The following MGAT4C variants were observed in gnomAD, a reference collection of about 807,000 sequenced individuals.
MGAT4C encodes alpha-1,3-mannosyl-glycoprotein 4-beta-N-acetylglucosaminyltransferase C.
In MGAT4C, 19 loss-of-function variants were observed where a neutral mutation model predicts 40.1. The observed-to-expected ratio is 0.47, with a 90% CI of 0.33 to 0.70. The LOEUF is 0.70. MGAT4C is among the 30% of genes least tolerant of loss of function. The pLI, the probability that MGAT4C is intolerant of heterozygous loss-of-function variation, is 0.02. For missense variants in MGAT4C, 491 were observed against 563.2 expected (o/e 0.87, Z 1.30); for synonymous variants, 181 against 187.1 (o/e 0.97, Z 0.27).
At chr12:86,101,205 G>T (rs868654743) in intron 1 of MGAT4C, among the ~76,000 whole-genome samples, 8 of 151,656 alleles carry the variant, frequency 5.3e-5, no homozygotes, top group Non-Finnish European at 1.2e-4. Flanking sequence ...CTTAGATTTT[G>T]TTCAGTAAGA....
At chr12:86,085,265 T>C (rs953141410) in intron 1 of MGAT4C, among the ~76,000 whole-genome samples, 1 of 152,144 alleles carries the variant, frequency 6.6e-6, no homozygotes, top group African/African-American at 2.4e-5. Context: ...GTTTTAGTCA[T>C]GAAGTCCTTA....
intron 1 of MGAT4C, among the ~76,000 whole-genome samples, chr12:86,192,528 C>G (rs1889635276): frequency 6.6e-6 from 1 of 152,124 alleles, no homozygotes; most frequent in Non-Finnish European, 1.5e-5. Context: ...CATCACCCAC[C>G]TTGCTTGTAG....
intron 1 of MGAT4C, among the ~76,000 whole-genome samples, chr12:86,763,992 G>A (rs957789900): frequency 6.6e-6 from 1 of 152,148 alleles, no homozygotes; most frequent in African/African-American, 2.4e-5. Context: ...CATATCACTA[G>A]GGAGTGCCAG....
intron 1 of MGAT4C, among the ~76,000 whole-genome samples, chr12:86,737,528 A>T (rs1465804241): frequency 1.3e-5 from 2 of 151,190 alleles, no homozygotes; most frequent in African/African-American, 4.8e-5. Flanking sequence ...CCCCTAAGTG[A>T]TTTCATCCAG....
In MGAT4C at chr12:86,241,510, C is replaced by T. The variant is rs929872065; in HGVS notation, c.-57+14729G>A. ...TTGTTTCATAGCTTATAATTTGATA[C>T]CTCATTATTTTGTTTGATAGCTTGT... On this transcript the variant is annotated intron_variant, in intron 1 of 4. Transcript: ENST00000611864. Among the ~76,000 whole-genome samples, 3 of 151,876 alleles carry T rather than the reference C, an allele frequency of 2.0e-5. No homozygotes were observed. In the East Asian group the frequency reaches 5.8e-4, roughly 29 times the overall value.
intron 1 of MGAT4C, among the ~76,000 whole-genome samples, chr12:86,175,002 G>A (rs1887243318): frequency 6.6e-6 from 1 of 151,932 alleles, no homozygotes; most frequent in South Asian, 2.1e-4. Flanking sequence ...GAATTGCCAT[G>A]TATAGCATAA....
chr12:86,709,834 C>T (rs1253927903), intron 2 of MGAT4C, among the ~76,000 whole-genome samples: 1 of 152,042 alleles, frequency 6.6e-6, no homozygotes, highest in Non-Finnish European at 1.5e-5. Flanking sequence ...TTTAGATTTT[C>T]AGGGAAAAAA....
intron 1 of MGAT4C, among the ~76,000 whole-genome samples, chr12:86,187,536 C>T (rs1888895711): frequency 6.8e-6 from 1 of 147,864 alleles, no homozygotes; most frequent in Admixed American, 6.7e-5. Flanking sequence ...TTAGATTTGC[C>T]TTTTCTAGAA....
chr12:86,451,105 T>G (rs1230102634), intron 2 of MGAT4C, among the ~76,000 whole-genome samples: 1 of 152,126 alleles, frequency 6.6e-6, no homozygotes, highest in African/African-American at 2.4e-5. Flanking sequence ...TGGGGCCTAG[T>G]AGGAGGTGAT....
intron 2 of MGAT4C, among the ~76,000 whole-genome samples, chr12:86,486,366 G>T (rs1215284780): frequency 7.7e-6 from 1 of 130,696 alleles, no homozygotes; most frequent in Admixed American, 8.7e-5. Flanking sequence ...AACAGAGAAA[G>T]ATCTATCATG....
At chr12:86,755,620 C>T (rs1435824987) in intron 1 of MGAT4C, among the ~76,000 whole-genome samples, 2 of 141,448 alleles carry the variant, frequency 1.4e-5, no homozygotes, top group African/African-American at 5.2e-5. Context: ...CTTTCTTTCT[C>T]TCTCTCCTTC....
rs965965847 is a variant in MGAT4C at position 86,708,245 on chromosome 12, C to T, written c.-229+18964G>A. Reference sequence around the variant, plus strand: ...AGAGGCAAAAGTACAGCTTGGACCACGGCTTCAGAGAGTGCAAGCCTCAAG... The same window carrying T: ...AGAGGCAAAAGTACAGCTTGGACCATGGCTTCAGAGAGTGCAAGCCTCAAG... On this transcript the variant is annotated intron_variant, in intron 2 of 7. Transcript: ENST00000548651. Among the ~76,000 whole-genome samples, 49 of 152,186 alleles carry T rather than the reference C, an allele frequency of 3.2e-4. 1 individual carries two copies. The highest frequency in any genetic ancestry group is 1.0e-3 in the African/African-American group (43 of 41,454).
rs761717856 is a variant in MGAT4C at position 86,797,485 on chromosome 12, TA to T, written c.-262+41180del. On this transcript the variant is annotated intron_variant, in intron 1 of 7. Transcript: ENST00000548651. ...GTCAATAATTGCCAAATGTAACAGA[TA>T]TTTTTTTTCAATTCAACTATTAAAA... Among the ~76,000 whole-genome samples, 29 of 151,878 alleles carry T rather than the reference TA, an allele frequency of 1.9e-4. No individual in the cohort carries two copies. The East Asian group carries it at 2.9e-3, about 15-fold the overall frequency.
chr12:86,643,403 C>A (rs1317675794), intron 2 of MGAT4C, among the ~76,000 whole-genome samples: 1 of 151,746 alleles, frequency 6.6e-6, no homozygotes, highest in African/African-American at 2.4e-5. Context: ...ATAGCCATAA[C>A]CACATTGTTC....
chr12:86,060,342 A>C (rs1893819569), intron 1 of MGAT4C, among the ~76,000 whole-genome samples: 1 of 152,208 alleles, frequency 6.6e-6, no homozygotes, highest in Admixed American at 6.5e-5. Context: ...CAACTTTTAC[A>C]ATTGTTTTAT....
intron 2 of MGAT4C, among the ~76,000 whole-genome samples, chr12:86,493,653 G>C (rs1029036681): frequency 6.6e-6 from 1 of 151,682 alleles, no homozygotes; most frequent in Non-Finnish European, 1.5e-5. Context: ...GTCGTGGGGT[G>C]GGGGGACGGG....
At chr12:86,658,828 A>G (rs1367098494) in intron 2 of MGAT4C, among the ~76,000 whole-genome samples, 2 of 152,024 alleles carry the variant, frequency 1.3e-5, no homozygotes, top group Non-Finnish European at 2.9e-5. Flanking sequence ...GTGTTTTCCA[A>G]TAGTATGTGA....
intron 3 of MGAT4C, among the ~76,000 whole-genome samples, chr12:86,345,186 C>T (rs1164276665): frequency 1.3e-5 from 2 of 152,058 alleles, no homozygotes; most frequent in Non-Finnish European, 2.9e-5. Flanking sequence ...CCTTAAGTTT[C>T]TAAAGAGGAA....
chr12:86,720,284 T>C (rs1358711839), intron 2 of MGAT4C, among the ~76,000 whole-genome samples: 2 of 118,126 alleles, frequency 1.7e-5, no homozygotes, highest in Non-Finnish European at 3.8e-5. Flanking sequence ...AAGAGAGACC[T>C]ACAGAAGCTG....
Sources: gnomAD v4.1 joint callset for allele counts (sites outside exome capture counted in the v4.1 genomes callset) on GRCh38, gnomAD v4.1.1 for gene constraint, MANE v1.5 for transcripts, NCBI Gene and HGNC (gene_info 2026-07-23, HGNC 2026-07-21) for gene names.